ATP8A1: variants seen among roughly 807,000 people sequenced by gnomAD.
ATP8A1 encodes phospholipid-transporting ATPase IA.
Under a neutral mutation model 177.7 loss-of-function variants are expected in ATP8A1, and 90 were observed. The ratio of observed to expected loss-of-function variants is 0.51; its 90% CI spans 0.43 to 0.60. The LOEUF is 0.60. Among genes scored for constraint, ATP8A1 ranks in the 20% least tolerant of loss-of-function variants. ATP8A1 has a pLI of 0.00. For synonymous variants in ATP8A1, 493 were observed against 485.9 expected (o/e 1.01, Z -0.19); for missense variants, 1,072 against 1,392.8 (o/e 0.77, Z 3.67).
At chr4:42,596,200 T>C (rs1577669458) in intron 6 of ATP8A1, among the ~76,000 whole-genome samples, 1 of 152,334 alleles carries the variant, frequency 6.6e-6, no homozygotes, top group South Asian at 2.1e-4. Flanking sequence ...TAATCATACA[T>C]ATTCTAATTG....
At chr4:42,630,263 C>G (rs762902635) in intron 1 of ATP8A1, among the ~76,000 whole-genome samples, 3 of 152,122 alleles carry the variant, frequency 2.0e-5, no homozygotes, top group Non-Finnish European at 4.4e-5. Context: ...GATGGTATTC[C>G]TTCTTATACA....
Position 42,624,316 on chromosome 4 carries a change from C to T in ATP8A1, c.363+220G>A, listed in dbSNP as rs1412425620. On this transcript the variant is annotated intron_variant, in intron 4 of 36. Coordinates refer to ENST00000381668, the MANE Select transcript of ATP8A1 (RefSeq NM_006095.2). ...ACAGTAAATTAATTTCTTTTATTTG[C>T]TAAACTATAAATGCAATAGAACACT... is the stretch of plus-strand genomic sequence containing the variant. 2.0e-5 allele frequency among the ~76,000 whole-genome samples: 3 copies of T among 151,986 alleles called. No homozygotes were observed. In the East Asian group the frequency reaches 5.8e-4, roughly 29 times the overall value.
At chr4:42,636,156 A>ACACGCGCGTGCGCGCGTG (rs565139270) in intron 1 of ATP8A1, among the ~76,000 whole-genome samples, 1 of 90,898 alleles carries the variant, frequency 1.1e-5, no homozygotes, top group Non-Finnish European at 2.6e-5. Flanking sequence ...ACACACACAC[A>ACACGCGCGTGCGCGCGTG]CGCACACACA....
chr4:42,493,704 C>T (rs1429836641), intron 24 of ATP8A1, among the ~76,000 whole-genome samples: 2 of 152,142 alleles, frequency 1.3e-5, no homozygotes, highest in Non-Finnish European at 2.9e-5. Flanking sequence ...TGTCTTTCCT[C>T]AGGCAGGTGA....
At chr4:42,464,642 T>A (rs776724015) in intron 27 of ATP8A1, 48 bp downstream of exon 27, 2 of 1,128,526 alleles carry the variant, frequency 1.8e-6, no homozygotes, top group South Asian at 3.2e-5. Context: ...AAAATTTCTT[T>A]AAATATGTAT....
At chr4:42,649,923 C>A (rs553364850) in intron 1 of ATP8A1, among the ~76,000 whole-genome samples, 1 of 152,152 alleles carries the variant, frequency 6.6e-6, no homozygotes, top group Non-Finnish European at 1.5e-5. Context: ...CCAGACAAAA[C>A]CCCCTGCCCT....
At position 42,623,009 on chromosome 4, in the gene ATP8A1, C is replaced by CAAAAAAA. The variant is rs200111147; in HGVS notation, c.363+1520_363+1526dup. Among the ~76,000 whole-genome samples, 56 of 116,152 alleles carry CAAAAAAA rather than the reference C, an allele frequency of 4.8e-4. 2 individuals carry two copies. The highest frequency in any genetic ancestry group is 3.2e-3 in the South Asian group (11 of 3,450). The allele number at this position is 116,152 out of a possible 152,430, so 76.2% of individuals were successfully genotyped here. A position where few individuals can be genotyped will look rare whatever the true frequency, so the allele number is the denominator to read the frequency against. ...GGGTGATAAGAGCGAAACTCTGTCT[C>CAAAAAAA]AAAAAAAAAAAAAAAGGTGGGCAAA... On this transcript the variant is annotated intron_variant, in intron 4 of 36. Coordinates refer to ENST00000381668, the MANE Select transcript of ATP8A1 (RefSeq NM_006095.2).
At position 42,565,422 on chromosome 4, in the gene ATP8A1, C is replaced by A. The variant is rs559783893; in HGVS notation, c.1340+3739G>T. On this transcript the variant is annotated intron_variant, in intron 15 of 36. Transcript: ENST00000381668. ...ATAAATGAATACCACTCACTTCATACATAACTACAGACCAGAATGAAATGA... is the reference window on the plus strand; with the variant it reads ...ATAAATGAATACCACTCACTTCATAAATAACTACAGACCAGAATGAAATGA... 2.5e-3 allele frequency among the ~76,000 whole-genome samples: 388 copies of A among 152,266 alleles called. 1 individual carries two copies. The highest frequency in any genetic ancestry group is 9.1e-3 in the African/African-American group (378 of 41,550).
At chr4:42,485,723 T>G (rs1356553244) in intron 24 of ATP8A1, 55 bp from the exon 25 acceptor site, 1 of 1,457,958 alleles carries the variant, frequency 6.9e-7, no homozygotes, top group African/African-American at 1.4e-5. Flanking sequence ...TTTGTTCTAC[T>G]AGGATGCCTT....
Position 42,579,949 on chromosome 4 carries a change from T to C in ATP8A1, c.864A>G (p.Ser288=). ...GTACATTTGTAATCCGTTCCACATT[T>C]GAGAGCTTAAGTGGTGGACTTGTTG... ...QNSTSPPLKL[S]NVERITNVQI... Residue 288 remains serine (S), a synonymous_variant, in exon 11 of 37, where the codon TCA becomes TCG. Coordinates refer to ENST00000381668, the MANE Select transcript of ATP8A1 (RefSeq NM_006095.2). The C allele has an allele frequency of 6.2e-7, 1 of 1,609,996 alleles. No homozygotes were observed. Among genetic ancestry groups the C allele is most frequent in the Non-Finnish European group, 8.5e-7 (1 of 1,177,890 alleles).
At chr4:42,573,385 A>G (rs1465741991) in intron 14 of ATP8A1, among the ~76,000 whole-genome samples, 1 of 152,204 alleles carries the variant, frequency 6.6e-6, no homozygotes, top group Admixed American at 6.5e-5. Flanking sequence ...CAAGATGTCA[A>G]AAAGTGTGGC....
intron 25 of ATP8A1, among the ~76,000 whole-genome samples, chr4:42,469,902 A>G (rs1217020693): frequency 1.3e-5 from 2 of 152,216 alleles, no homozygotes; most frequent in Non-Finnish European, 2.9e-5. Context: ...TCCTATGTCT[A>G]TAAAAAAAAT....
chr4:42,428,800 T>C (rs1714924099), intron 33 of ATP8A1, among the ~76,000 whole-genome samples: 1 of 152,184 alleles, frequency 6.6e-6, no homozygotes, highest in Admixed American at 6.5e-5. Flanking sequence ...ACACATAACA[T>C]GTTTTGATGC....
chr4:42,616,164 G>T, intron 4 of ATP8A1, 86 bp from the exon 5 acceptor site: 2 of 1,167,172 alleles, frequency 1.7e-6, no homozygotes, highest in Non-Finnish European at 2.5e-6. Context: ...AAAAGATTTA[G>T]CTTATGTTTC....
At chr4:42,506,885 A>G (rs749009289) in intron 23 of ATP8A1, 131 bp downstream of exon 23, 10 of 1,128,498 alleles carry the variant, frequency 8.9e-6, no homozygotes, top group South Asian at 8.2e-5. Flanking sequence ...TGCAATGGTG[A>G]AAAAAGATTG....
chr4:42,610,546 C>T lies in ATP8A1; in HGVS notation c.409+5487G>A, dbSNP rs1157819190. Among the ~76,000 whole-genome samples the T allele has an allele frequency of 4.0e-4, 61 of 151,466 alleles. 1 individual carries two copies. Among genetic ancestry groups the T allele is most frequent in the Admixed American group, 3.9e-3 (59 of 15,136 alleles). Reference sequence around the variant, plus strand: ...TCAGTCCTCTCACTTTAACCATCTTCCCAAATTTCCTCAATGGGTTTTGCT... The same window carrying T: ...TCAGTCCTCTCACTTTAACCATCTTTCCAAATTTCCTCAATGGGTTTTGCT... On this transcript the variant is annotated intron_variant, in intron 5 of 36. Coordinates refer to ENST00000381668, the MANE Select transcript of ATP8A1 (RefSeq NM_006095.2).
chr4:42,625,463 G>A, intron 3 of ATP8A1, 151 bp downstream of exon 3: 1 of 484,936 alleles, frequency 2.1e-6, no homozygotes, highest in Non-Finnish European at 3.7e-6. Context: ...GGAAAAGGTA[G>A]TGGATTCCAA....
chr4:42,567,003 C>CATG lies in ATP8A1; in HGVS notation c.1340+2157_1340+2158insCAT, dbSNP rs1257183906. Among the ~76,000 whole-genome samples, 4 of 152,326 alleles carry CATG rather than the reference C, an allele frequency of 2.6e-5. No homozygotes were observed. In the East Asian group the frequency reaches 7.7e-4, roughly 29 times the overall value. ...TCTTCAAAACCTCCTGATGATGCAA[C>CATG]TACTATTATTATCTACATTCTTCCA... is the stretch of plus-strand genomic sequence containing the variant. On this transcript the variant is annotated intron_variant, in intron 15 of 36. Transcript: ENST00000381668.
intron 33 of ATP8A1, among the ~76,000 whole-genome samples, chr4:42,436,618 A>G (rs1325497496): frequency 2.0e-5 from 3 of 152,202 alleles, no homozygotes; most frequent in Admixed American, 6.5e-5. Context: ...GACCAATGGC[A>G]GGTTTTACTG....
Sources: gnomAD v4.1 joint callset for allele counts (sites outside exome capture counted in the v4.1 genomes callset) on GRCh38, gnomAD v4.1.1 for gene constraint, MANE v1.5 for transcripts, NCBI Gene and HGNC (gene_info 2026-07-23, HGNC 2026-07-21) for gene names.